The following AIG1 variants were observed in gnomAD, a reference collection of about 807,000 sequenced individuals.
AIG1 encodes androgen induced 1.
In AIG1, 23 loss-of-function variants were observed where a neutral mutation model predicts 31.4. The observed-to-expected ratio is 0.73, with a 90% CI of 0.53 to 1.04. The LOEUF (loss-of-function observed/expected upper bound fraction) is 1.04. Ranked by LOEUF, AIG1 falls within the 50% of genes least tolerant of loss-of-function variation. AIG1 has a pLI of 0.00. For missense variants in AIG1, 274 were observed against 295.0 expected (o/e 0.93, Z 0.52); for synonymous variants, 100 against 110.5 (o/e 0.90, Z 0.60).
intron 3 of AIG1, among the ~76,000 whole-genome samples, chr6:143,214,901 G>A (rs1280786431): frequency 6.6e-6 from 1 of 152,128 alleles, no homozygotes; most frequent in African/African-American, 2.4e-5. Context: ...TCTTCAGCAT[G>A]CACCTCAAAT....
At chr6:143,128,532 A>G (rs919186849) in intron 1 of AIG1, among the ~76,000 whole-genome samples, 6 of 152,214 alleles carry the variant, frequency 3.9e-5, no homozygotes, top group African/African-American at 1.4e-4. Flanking sequence ...CCAAAGCCAG[A>G]TGGTGTATAT....
chr6:143,097,277 A>T (rs1483444152), intron 1 of AIG1, among the ~76,000 whole-genome samples: 1 of 152,070 alleles, frequency 6.6e-6, no homozygotes, highest in African/African-American at 2.4e-5. Flanking sequence ...TGCTGTAGCA[A>T]AAAATTTAGA....
intron 2 of AIG1, among the ~76,000 whole-genome samples, chr6:143,148,891 AAATAC>A (rs1784933415): frequency 6.6e-6 from 1 of 152,090 alleles, no homozygotes; most frequent in Non-Finnish European, 1.5e-5. Context: ...AGGTGTGTTT[AAATAC>A]ACAAATAGTT....
chr6:143,278,292 G>A (rs1797085470), intron 3 of AIG1, among the ~76,000 whole-genome samples: 1 of 152,130 alleles, frequency 6.6e-6, no homozygotes, highest in South Asian at 2.1e-4. Context: ...ACCCCAGTAT[G>A]TAGGCTGTAT....
In AIG1 at chr6:143,327,066, G is replaced by A. The variant is rs1776668421; in HGVS notation, c.516-6216G>A. Among the ~76,000 whole-genome samples the A allele has an allele frequency of 6.6e-6, 1 of 152,192 alleles. No homozygotes were observed. Among genetic ancestry groups the A allele is most frequent in the African/African-American group, 2.4e-5 (1 of 41,442 alleles). The stretch of plus-strand genomic sequence containing the variant: ...AGATCACTCTGGCAGCAGTGAGGAT[G>A]ACATGGAAGGAGGAAAAAATAGATG... On this transcript the variant is annotated intron_variant, in intron 4 of 5. Transcript: ENST00000357847. The surrounding 1 kb of genome is among the most constrained non-coding windows in gnomAD (Gnocchi z 5.3).
chr6:143,199,896 G>A (rs1274012565), intron 3 of AIG1, among the ~76,000 whole-genome samples: 1 of 152,162 alleles, frequency 6.6e-6, no homozygotes, highest in Non-Finnish European at 1.5e-5. Flanking sequence ...TCCTGGATTA[G>A]ATATTATAAG....
intron 4 of AIG1, among the ~76,000 whole-genome samples, chr6:143,318,167 C>CA (rs1055054542): frequency 1.2e-4 from 18 of 150,896 alleles, no homozygotes; most frequent in Admixed American, 4.6e-4. Context: ...CATATGAAAC[C>CA]AAAAAAATGC....
chr6:143,121,009 T>A (rs1782193238), intron 1 of AIG1, among the ~76,000 whole-genome samples: 1 of 152,250 alleles, frequency 6.6e-6, no homozygotes, highest in Non-Finnish European at 1.5e-5. Flanking sequence ...CTGCTGCAGA[T>A]AACTAGCCCA....
chr6:143,087,449 C>T (rs144757368), intron 1 of AIG1, among the ~76,000 whole-genome samples: 40 of 152,290 alleles, frequency 2.6e-4, no homozygotes, highest in Admixed American at 1.0e-3. Flanking sequence ...TAGCCGTGCC[C>T]GAACATTGGT....
intron 1 of AIG1, among the ~76,000 whole-genome samples, chr6:143,132,464 T>C (rs1424139141): frequency 6.6e-6 from 1 of 150,900 alleles, no homozygotes; most frequent in Non-Finnish European, 1.5e-5. Flanking sequence ...TTGTTCTGTA[T>C]GGTGATATGT....
At chr6:143,106,084 C>T (rs978033308) in intron 1 of AIG1, among the ~76,000 whole-genome samples, 5 of 152,044 alleles carry the variant, frequency 3.3e-5, no homozygotes, top group Admixed American at 6.6e-5. Context: ...CAGCTCATTT[C>T]GATGTAATTA....
intron 2 of AIG1, among the ~76,000 whole-genome samples, chr6:143,159,431 TAAA>T (rs755105425): frequency 1.2e-4 from 19 of 152,180 alleles, no homozygotes; most frequent in Non-Finnish European, 2.5e-4. Flanking sequence ...TGATGATAGT[TAAA>T]ACCCACGAAA....
intron 3 of AIG1, among the ~76,000 whole-genome samples, chr6:143,248,693 G>A (rs879741975): frequency 2.6e-5 from 4 of 152,162 alleles, no homozygotes; most frequent in Admixed American, 2.6e-4. Flanking sequence ...CTGAATACTT[G>A]TTGAATCAAG....
rs898472676 is a variant in AIG1, at chr6:143,218,225, G to A, written c.399+53042G>A. 9.2e-5 allele frequency among the ~76,000 whole-genome samples: 14 copies of A among 152,042 alleles called. No individual in the cohort carries two copies. In the South Asian group the frequency reaches 1.0e-3, roughly 11 times the overall value. ...ATATTTGGGGAACATCTTTACTCTC[G>A]TTTGAAGAGAATCCTGTTTAACTTC... On this transcript the variant is annotated intron_variant, in intron 3 of 5. Transcript: ENST00000357847.
chr6:143,176,692 C>T (rs1173985142), intron 3 of AIG1, among the ~76,000 whole-genome samples: 2 of 152,234 alleles, frequency 1.3e-5, no homozygotes, highest in East Asian at 1.9e-4. Context: ...AAGCTGGTCT[C>T]GCTCCCACCT....
intron 3 of AIG1, among the ~76,000 whole-genome samples, chr6:143,247,171 C>T (rs968425012): frequency 2.6e-5 from 4 of 152,098 alleles, no homozygotes; most frequent in African/African-American, 4.8e-5. Flanking sequence ...CTCACTCTGT[C>T]GCCAGGCTGG....
Position 143,338,748 on chromosome 6 carries a change from C to G in AIG1, c.680-891C>G, listed in dbSNP as rs925439610. The stretch of plus-strand genomic sequence containing the variant: ...GCTGGGGAACAAAATAGGGAAGGGC[C>G]CTACCCTCAGAAAGCTTGCAATTTA... On this transcript the variant is annotated intron_variant, in intron 5 of 5. Transcript: ENST00000357847. This position sits in a 1 kb window ranked among gnomAD's most constrained non-coding sequence, Gnocchi z 4.3. 2.0e-5 allele frequency: 3 copies of G among 151,948 alleles called. No individual in the cohort carries two copies. Among genetic ancestry groups the G allele is most frequent in the Non-Finnish European group, 4.4e-5 (3 of 67,994 alleles). The allele number at this position is 151,948 out of a possible 1,614,324, so 9.4% of individuals were successfully genotyped here.
At chr6:143,101,443 T>C (rs1435405468) in intron 1 of AIG1, among the ~76,000 whole-genome samples, 2 of 152,136 alleles carry the variant, frequency 1.3e-5, no homozygotes, top group African/African-American at 2.4e-5. Flanking sequence ...TAAGTTGGAA[T>C]AGACAAGGAG....
chr6:143,199,846 G>A (rs1367989962), intron 3 of AIG1, among the ~76,000 whole-genome samples: 1 of 152,168 alleles, frequency 6.6e-6, no homozygotes, highest in Non-Finnish European at 1.5e-5. Flanking sequence ...AGGCTTAAAT[G>A]TTAGGAGATC....
Sources: gnomAD v4.1 joint callset for allele counts (sites outside exome capture counted in the v4.1 genomes callset) on GRCh38, gnomAD v4.1.1 for gene constraint, Gnocchi (gnomAD v3.1) non-coding constraint, MANE v1.5 for transcripts, NCBI Gene and HGNC (gene_info 2026-07-23, HGNC 2026-07-21) for gene names.